Variants in CACNA1E observed in about 807,000 individuals in gnomAD.
CACNA1E encodes calcium voltage-gated channel subunit alpha1 E.
Under a neutral mutation model 259.2 loss-of-function variants are expected in CACNA1E, and 40 were observed. The ratio of observed to expected loss-of-function variants is 0.15; its 90% CI spans 0.12 to 0.20. The LOEUF is 0.20. Among genes scored for constraint, CACNA1E ranks in the 10% least tolerant of loss-of-function variants. The probability of loss-of-function intolerance (pLI) is 1.00; values close to 1 mark genes in which losing one functional copy is unlikely to be tolerated. For missense variants in CACNA1E, 1,874 were observed against 3,040.1 expected (o/e 0.62, Z 9.02); for synonymous variants, 1,104 against 1,138.5 (o/e 0.97, Z 0.61).
chr1:181,576,379 G>A (rs911245953), intron 3 of CACNA1E, among the ~76,000 whole-genome samples: 3 of 152,206 alleles, frequency 2.0e-5, no homozygotes, highest in Admixed American at 2.0e-4. Flanking sequence ...CCGCTTGGCT[G>A]TTGGCAGCAC....
At chr1:181,678,089 A>G (rs1042768996) in intron 7 of CACNA1E, among the ~76,000 whole-genome samples, 1 of 152,144 alleles carries the variant, frequency 6.6e-6, no homozygotes, top group Non-Finnish European at 1.5e-5. Flanking sequence ...GGATGAGGAC[A>G]CTTGCTTGTC....
At chr1:181,399,976 A>G (rs1656974686) in intron 1 of CACNA1E, among the ~76,000 whole-genome samples, 1 of 152,218 alleles carries the variant, frequency 6.6e-6, no homozygotes, top group South Asian at 2.1e-4. Context: ...GTAACCTTGA[A>G]CATTTAAGAC....
chr1:181,570,153 A>T (rs1262058397), intron 3 of CACNA1E, among the ~76,000 whole-genome samples: 3 of 150,766 alleles, frequency 2.0e-5, no homozygotes, highest in Non-Finnish European at 4.4e-5. Flanking sequence ...TATGAGCCAA[A>T]CTGTAGTAGA....
intron 1 of CACNA1E, among the ~76,000 whole-genome samples, chr1:181,508,199 C>G (rs1336707916): frequency 6.8e-6 from 1 of 146,636 alleles, no homozygotes; most frequent in Admixed American, 6.8e-5. Flanking sequence ...CCACTGTATG[C>G]AAAAGTATTA....
At chr1:181,488,707 TA>T (rs1454568102) in intron 1 of CACNA1E, among the ~76,000 whole-genome samples, 4 of 152,176 alleles carry the variant, frequency 2.6e-5, no homozygotes, top group Non-Finnish European at 5.9e-5. Context: ...TGCATGTCAT[TA>T]TTTCTCCACT....
At chr1:181,736,776 G>A (rs1347204945) in intron 22 of CACNA1E, among the ~76,000 whole-genome samples, 1 of 152,222 alleles carries the variant, frequency 6.6e-6, no homozygotes, top group African/African-American at 2.4e-5. Context: ...TATTCCAGAA[G>A]TGGATAGAGC....
At chr1:181,790,610 T>G (rs1661219352) in intron 44 of CACNA1E, 54 bp downstream of exon 44, 2 of 1,093,206 alleles carry the variant, frequency 1.8e-6, no homozygotes, top group Admixed American at 3.4e-5. Flanking sequence ...TCCTGATCCC[T>G]CTCACTAATT....
chr1:181,519,313 T>G (rs1666825310), intron 3 of CACNA1E, among the ~76,000 whole-genome samples: 1 of 152,204 alleles, frequency 6.6e-6, no homozygotes, highest in Non-Finnish European at 1.5e-5. Flanking sequence ...CACAGTTAAG[T>G]ATAAATGTGT....
chr1:181,691,874 C>T (rs1651195840), intron 7 of CACNA1E, among the ~76,000 whole-genome samples: 1 of 152,082 alleles, frequency 6.6e-6, no homozygotes, highest in African/African-American at 2.4e-5. Flanking sequence ...AGAAGTCAAA[C>T]TATCTCTCTT....
chr1:181,351,712 C>G (rs781398581), intron 1 of CACNA1E, among the ~76,000 whole-genome samples: 1 of 152,180 alleles, frequency 6.6e-6, no homozygotes, highest in African/African-American at 2.4e-5. Context: ...CCATGTCTGC[C>G]TCCACAGTCA....
At chr1:181,475,458 C>T (rs1029878308) in intron 2 of CACNA1E, among the ~76,000 whole-genome samples, 2 of 152,118 alleles carry the variant, frequency 1.3e-5, no homozygotes, top group Non-Finnish European at 2.9e-5. Context: ...CAGATTTGAA[C>T]TGGACCATGC....
chr1:181,673,888 G>T (rs140342214), intron 7 of CACNA1E, among the ~76,000 whole-genome samples: 1 of 152,026 alleles, frequency 6.6e-6, no homozygotes, highest in Non-Finnish European at 1.5e-5. Flanking sequence ...AGCTCCCAGC[G>T]TGCATTTGTC....
chr1:181,659,419 T>A (rs780106647), intron 7 of CACNA1E, among the ~76,000 whole-genome samples: 3 of 152,216 alleles, frequency 2.0e-5, no homozygotes, highest in Non-Finnish European at 4.4e-5. Flanking sequence ...AGCTTAGGCA[T>A]GAAGAGAAGC....
Position 181,798,605 on chromosome 1 carries a change from A to C in CACNA1E, c.6713A>C (p.Asp2238Ala). The C allele has an allele frequency of 6.2e-7, 1 of 1,612,884 alleles. No individual in the cohort carries two copies. Among genetic ancestry groups the C allele is most frequent in the Non-Finnish European group, 8.5e-7 (1 of 1,179,660 alleles). Reference protein sequence around the residue: ...ISEPYLALHEDSHASDCGEEE... With the variant: ...ISEPYLALHEASHASDCGEEE... ...GAGCCCTACTTGGCCCTGCACGAAG[A>C]CTCCCACGCCTCAGACTGTGGTGAG... The change falls in exon 48 of 48, where the codon GAC (aspartate) becomes GCC (alanine). Residue 2238 changes from aspartate to alanine, a missense_variant. By Grantham distance (126) the Asp-to-Ala change is moderately radical (BLOSUM62 -2). This residue lies in a region of CACNA1E where 542 missense variants were observed against 587.2 expected (regional missense o/e 0.92). Transcript: ENST00000367573. The surrounding 1 kb of genome is among the most constrained non-coding windows in gnomAD (Gnocchi z 4.2).
At chr1:181,516,857 C>G (rs1331911682) in intron 3 of CACNA1E, among the ~76,000 whole-genome samples, 1 of 152,214 alleles carries the variant, frequency 6.6e-6, no homozygotes, top group African/African-American at 2.4e-5. Flanking sequence ...GTTTTGTCAG[C>G]CTTGCGTGGG....
intron 7 of CACNA1E, among the ~76,000 whole-genome samples, chr1:181,690,011 T>A (rs1410672811): frequency 6.6e-6 from 1 of 152,236 alleles, no homozygotes; most frequent in African/African-American, 2.4e-5. Context: ...TGGCTTTTGT[T>A]GCCATTGCTT....
intron 40 of CACNA1E, 24 bp from the exon 41 acceptor site, chr1:181,784,632 CTATTT>C: frequency 6.9e-7 from 1 of 1,448,652 alleles, no homozygotes; most frequent in African/African-American, 1.4e-5. Flanking sequence ...TGGGTCTATT[CTATTT>C]ATTAGTAATT....
chr1:181,755,224 G>T lies in CACNA1E; in HGVS notation c.3829-13G>T. ...CAGGGTTCACACAGCAGGGCTGTTT[G>T]CTCTGTCCACAGGCCGTCTTCGACT... On this transcript the variant is annotated splice_polypyrimidine_tract_variant and intron_variant, in intron 27 of 47. Coordinates refer to ENST00000367573, the MANE Select transcript of CACNA1E (RefSeq NM_001205293.3). 6.2e-7 allele frequency: 1 copy of T among 1,610,838 alleles called. No homozygotes were observed. The highest frequency in any genetic ancestry group is 8.5e-7 in the Non-Finnish European group (1 of 1,178,182).
chr1:181,411,089 G>A (rs72729372), intron 1 of CACNA1E, among the ~76,000 whole-genome samples: 15,967 of 152,212 alleles, frequency 0.1, 927 homozygotes, highest in South Asian at 0.18. Flanking sequence ...GAGACGTGTG[G>A]TTGGGAGGAA....
Sources: gnomAD v4.1 joint callset for allele counts (sites outside exome capture counted in the v4.1 genomes callset) on GRCh38, gnomAD v4.1.1 for gene constraint, gnomAD v4.1.1 regional missense constraint, Gnocchi (gnomAD v3.1) non-coding constraint, MANE v1.5 for transcripts, NCBI Gene and HGNC (gene_info 2026-07-23, HGNC 2026-07-21) for gene names.